The following IGSF9 variants were observed in gnomAD, a reference collection of about 807,000 sequenced individuals.
IGSF9 encodes immunoglobulin superfamily member 9.
A neutral mutation model predicts 121.7 loss-of-function variants in IGSF9; 87 were observed. The ratio of observed to expected loss-of-function variants is 0.71; its 90% CI spans 0.60 to 0.85. The LOEUF (loss-of-function observed/expected upper bound fraction) is 0.85, where lower values mean the gene tolerates loss of function less well. Among genes scored for constraint, IGSF9 ranks in the 40% least tolerant of loss-of-function variants. The pLI is 0.00. For synonymous variants in IGSF9, 640 were observed against 648.4 expected, an observed-to-expected ratio of 0.99 and a Z score of 0.20; for missense variants, 1,462 against 1,565.3, an observed-to-expected ratio of 0.93 and a Z score of 1.11.
chr1:159,936,697 GC>G, intron 5 of IGSF9, 56 bp downstream of exon 5: 2 of 1,592,584 alleles, frequency 1.3e-6, no homozygotes, highest in Non-Finnish European at 1.7e-6. Context: ...CCACTGCCAG[GC>G]CCCCACCTTC....
chr1:159,928,928 C>T lies in IGSF9; in HGVS notation c.2460G>A (p.Trp820Ter). ...PVPSLRQSLL[W>*]GDPAGTPSPH... ...GGCTGGGAGTTCCGGCAGGATCCCC[C>T]CAGAGCAGACTCTGGCGCAGGCTGG... The change falls in exon 19 of 21, where the codon TGG (tryptophan) becomes TGA (stop). Residue 820 changes from tryptophan to a stop codon, truncating the protein, a stop_gained. Coordinates refer to ENST00000368094, the MANE Select transcript of IGSF9 (RefSeq NM_001135050.2). LOFTEE classifies it high-confidence loss of function. 2.5e-6 allele frequency: 4 copies of T among 1,573,250 alleles called. No individual in the cohort carries two copies. The highest frequency in any genetic ancestry group is 3.4e-6 in the Non-Finnish European group (4 of 1,161,674).
In IGSF9 at chr1:159,943,556, C is replaced by G. The variant is rs1291060906; in HGVS notation, c.-102G>C. 5.2e-6 allele frequency: 6 copies of G among 1,150,822 alleles called. No homozygotes were observed. In the East Asian group the frequency reaches 1.4e-4, roughly 27 times the overall value. 71.3% of individuals were successfully genotyped at this position (1,150,822 alleles called of 1,614,324 possible). ...TCAGCTCAGGGAACAGGTTTCAGCT[C>G]TCACTCTTCTGTACAGTGAGGGCTT... On this transcript the variant is annotated 5_prime_UTR_variant, in exon 2 of 21. Transcript: ENST00000368094.
Position 159,931,037 on chromosome 1 carries a change from G to C in IGSF9, c.1637+101C>G, listed in dbSNP as rs1650977586. On this transcript the variant is annotated intron_variant, in intron 13 of 20. Transcript: ENST00000368094. This position sits in a 1 kb window ranked among gnomAD's most constrained non-coding sequence, Gnocchi z 4.8. ...GGAAGCAGAGCCAGGACTGGTGAGG[G>C]ATAGAGGGACAGAAGAAAGGGCAGA... The C allele has an allele frequency of 6.5e-7, 1 of 1,544,578 alleles. No homozygotes were observed. The highest frequency in any genetic ancestry group is 8.8e-7 in the Non-Finnish European group (1 of 1,130,532).
chr1:159,934,968 T>C (rs1307903614), intron 6 of IGSF9, 146 bp from the exon 7 acceptor site: 2 of 842,092 alleles, frequency 2.4e-6, no homozygotes, highest in Non-Finnish European at 3.6e-6. Flanking sequence ...AGCAGAAGCT[T>C]CCCCCTGTAT....
At position 159,931,546 on chromosome 1, in the gene IGSF9, G is replaced by A. The variant is rs569197292; in HGVS notation, c.1420C>T (p.Arg474Ter). 10 of 1,613,978 alleles carry A rather than the reference G, an allele frequency of 6.2e-6. No homozygotes were observed. Among genetic ancestry groups the A allele is most frequent in the Admixed American group, 1.7e-5 (1 of 60,004 alleles). The change falls in exon 12 of 21, where the codon CGA (arginine) becomes TGA (stop). Residue 474 changes from arginine (R) to a stop codon, truncating the protein, a stop_gained. Transcript: ENST00000368094. LOFTEE classifies it high-confidence loss of function. The surrounding 1 kb of genome is among the most constrained non-coding windows in gnomAD (Gnocchi z 4.8). ...QVDSNSSLIL[R>*]PLTKEAHGHW... is the part of the protein sequence containing the mutation. ...CCGTGGGCCTCCTTGGTCAATGGTCGCAGGATGAGGCTGCTGTTGCTGTCC... is the reference window on the plus strand; with the variant it reads ...CCGTGGGCCTCCTTGGTCAATGGTCACAGGATGAGGCTGCTGTTGCTGTCC...
chr1:159,929,516 A>AT, intron 17 of IGSF9, 122 bp downstream of exon 17: 2 of 1,479,348 alleles, frequency 1.4e-6, no homozygotes, highest in Non-Finnish European at 1.8e-6. Context: ...GCAGGACCAG[A>AT]TGCAGGACTA....
intron 6 of IGSF9, 129 bp from the exon 7 acceptor site, chr1:159,934,951 G>T: frequency 2.8e-6 from 3 of 1,060,602 alleles, no homozygotes; most frequent in Non-Finnish European, 4.1e-6. Flanking sequence ...GGGCTTTGGG[G>T]AGTGGAAGCA....
chr1:159,931,531 C>T lies in IGSF9; in HGVS notation c.1435G>A (p.Glu479Lys), dbSNP rs1650997944. ...CTGCATTCCCAGTGCCCGTGGGCCT[C>T]CTTGGTCAATGGTCGCAGGATGAGG... ...SSLILRPLTK[E>K]AHGHWECSAS... is the part of the protein sequence containing the mutation. Residue 479 changes from glutamate (E) to lysine (K), a missense_variant, in exon 12 of 21, where the codon GAG becomes AAG. By Grantham distance (56) the Glu-to-Lys change is moderately conservative. This residue lies in a region of IGSF9 where 96 missense variants were observed against 150.7 expected (regional missense o/e 0.64). Transcript: ENST00000368094. This position sits in a 1 kb window ranked among gnomAD's most constrained non-coding sequence, Gnocchi z 4.8. 6.2e-7 allele frequency: 1 copy of T among 1,614,072 alleles called. No individual in the cohort carries two copies. The highest frequency in any genetic ancestry group is 1.7e-5 in the Admixed American group (1 of 60,010).
chr1:159,936,310 C>A, intron 6 of IGSF9, 89 bp downstream of exon 6: 1 of 1,175,916 alleles, frequency 8.5e-7, no homozygotes, highest in Non-Finnish European at 1.3e-6. Flanking sequence ...ACAAATCTCC[C>A]TCCTATCTTG....
chr1:159,929,730 A>G lies in IGSF9; in HGVS notation c.2234T>C (p.Phe745Ser), dbSNP rs752047265. ...VLAGVVGGVC[F>S]LGVAVLVSIL... ...GCTCACAAGGACGGCCACTCCCAGA[A>G]AGCAGACTCCGCCCACCACGCCGGC... The change falls in exon 17 of 21, where the codon TTT becomes TCT. Residue 745 changes from phenylalanine to serine, a missense_variant. By Grantham distance (155) the Phe-to-Ser change is radical. Transcript: ENST00000368094. The G allele has an allele frequency of 1.2e-6, 2 of 1,603,040 alleles. No individual in the cohort carries two copies. The highest frequency in any genetic ancestry group is 1.7e-6 in the Non-Finnish European group (2 of 1,175,752).
In IGSF9 at chr1:159,929,708, C is replaced by T. The variant is rs995362583; in HGVS notation, c.2256G>A (p.Val752=). The stretch of plus-strand genomic sequence containing the variant: ...TCAGGAGGCAGCCGGCCAGGATGCT[C>T]ACAAGGACGGCCACTCCCAGAAAGC... ...GVCFLGVAVL[V]SILAGCLLNR... Residue 752 remains valine (V), a synonymous_variant, in exon 17 of 21, where the codon GTG becomes GTA. Transcript: ENST00000368094. The T allele has an allele frequency of 6.2e-7, 1 of 1,600,204 alleles. No homozygotes were observed. The highest frequency in any genetic ancestry group is 8.5e-7 in the Non-Finnish European group (1 of 1,174,602).
rs997307112 is a variant in IGSF9, at chr1:159,942,897, G to A, written c.247+66C>T. On this transcript the variant is annotated intron_variant, in intron 3 of 20. Transcript: ENST00000368094. ...CAAAGCCGTTCATAGGAGGCCTTGT[G>A]CGACTCTACCCAGCCCACCTTTCTT... The A allele has an allele frequency of 6.0e-5, 84 of 1,395,632 alleles. 1 individual carries two copies. The highest frequency in any genetic ancestry group is 2.7e-5 in the Non-Finnish European group (27 of 998,308). 86.5% of individuals were successfully genotyped at this position (1,395,632 alleles called of 1,614,324 possible). A position where few individuals can be genotyped will look rare whatever the true frequency, so the allele number is the denominator to read the frequency against.
rs765002602 is a variant in IGSF9, at chr1:159,929,825, G to T, written c.2150-11C>A. ...GGTAGACCTCCAGACCTAGGCAGGG[G>T]TCCACGAGGGAGGGTCAGTGGACTC... On this transcript the variant is annotated splice_polypyrimidine_tract_variant and intron_variant, in intron 16 of 20. Coordinates refer to ENST00000368094, the MANE Select transcript of IGSF9 (RefSeq NM_001135050.2). The T allele has an allele frequency of 2.5e-6, 4 of 1,600,320 alleles. No individual in the cohort carries two copies. The highest frequency in any genetic ancestry group is 3.4e-6 in the Non-Finnish European group (4 of 1,174,192).
chr1:159,942,201 G>A (rs1275563416), intron 3 of IGSF9, among the ~76,000 whole-genome samples: 5 of 152,348 alleles, frequency 3.3e-5, no homozygotes, highest in Non-Finnish European at 5.9e-5. Context: ...GGCTCCATCC[G>A]GGATTAGGAG....
At chr1:159,927,916 A>G (rs1338894982) in intron 19 of IGSF9, 29 bp from the exon 20 acceptor site, 1 of 1,598,856 alleles carries the variant, frequency 6.3e-7, no homozygotes, top group Admixed American at 1.7e-5. Flanking sequence ...AGACAAACAT[A>G]TGGTGTGGGT....
rs763614154 is a variant in IGSF9, at chr1:159,931,146, G to A, written c.1629C>T (p.Tyr543=). 5 of 1,614,102 alleles carry A rather than the reference G, an allele frequency of 3.1e-6. No homozygotes were observed. Among genetic ancestry groups the A allele is most frequent in the East Asian group, 4.5e-5 (2 of 44,886 alleles). The change falls in exon 13 of 21, where the codon TAC becomes TAT. Residue 543 remains tyrosine, a synonymous_variant. Coordinates refer to ENST00000368094, the MANE Select transcript of IGSF9 (RefSeq NM_001135050.2). This position sits in a 1 kb window ranked among gnomAD's most constrained non-coding sequence, Gnocchi z 4.8. ...AGGAGCAGGTCACTCACAGTGGGGT[G>A]TACCAGACACTGAATCTCTGCAGAT... is the stretch of plus-strand genomic sequence containing the variant. ...GGYLQRFSVW[Y]TPLAKRPDRM...
rs756991836 is a variant in IGSF9 at position 159,930,265 on chromosome 1, C to G, written c.1988G>C (p.Gly663Ala). The change falls in exon 15 of 21, where the codon GGC becomes GCC. Residue 663 changes from glycine (G) to alanine (A), a missense_variant. This residue lies in a region of IGSF9 where 808 missense variants were observed against 815.2 expected (regional missense o/e 0.99). Transcript: ENST00000368094. ...LDGYVLEGRQ[G>A]SQGWEVLDPA... ...GTCCAGCACCTCCCAGCCCTGGGAG[C>G]CTTGCCGGCCTTCCAAGACGTAGCC... The G allele has an allele frequency of 5.6e-6, 9 of 1,613,924 alleles. No individual in the cohort carries two copies. The South Asian group carries it at 9.9e-5, about 18-fold the overall frequency.
At position 159,930,343 on chromosome 1, in the gene IGSF9, C is replaced by T; in HGVS notation, c.1910G>A (p.Arg637Gln). The T allele has an allele frequency of 6.2e-7, 1 of 1,608,272 alleles. No homozygotes were observed. Among genetic ancestry groups the T allele is most frequent in the Non-Finnish European group, 8.5e-7 (1 of 1,176,628 alleles). ...PRGLVAVRTPRGVLLHWDPPE... is the reference protein window; with the variant it reads ...PRGLVAVRTPQGVLLHWDPPE... ...GGGATCCCAATGCAGGAGTACCCCC[C>T]GGGGTGTCCTCACTGCCACCAGACC... Residue 637 changes from arginine to glutamine, a missense_variant, in exon 15 of 21, where the codon CGG (arginine) becomes CAG (glutamine). By Grantham distance (43) the Arg-to-Gln change is conservative. This residue lies in a region of IGSF9 where 808 missense variants were observed against 815.2 expected (regional missense o/e 0.99). Coordinates refer to ENST00000368094, the MANE Select transcript of IGSF9 (RefSeq NM_001135050.2).
chr1:159,934,876 C>T, intron 6 of IGSF9, 54 bp from the exon 7 acceptor site: 2 of 1,605,452 alleles, frequency 1.2e-6, no homozygotes, highest in Non-Finnish European at 1.7e-6. Context: ...CTTCCCAGAA[C>T]CCTGAGGTCA....
Sources: allele counts gnomAD v4.1 joint callset (sites outside exome capture counted in the v4.1 genomes callset), GRCh38; gene constraint gnomAD v4.1.1; regional missense constraint gnomAD v4.1.1; non-coding constraint Gnocchi (gnomAD v3.1); transcripts MANE v1.5; gene names NCBI Gene and HGNC (gene_info 2026-07-23, HGNC 2026-07-21).